BIK: variants seen among roughly 807,000 people sequenced by gnomAD.
BIK encodes the protein BCL2 interacting killer.
BIK carries 14 observed loss-of-function variants against 12.1 expected under a neutral mutation model. The ratio of observed to expected loss-of-function variants is 1.16; its 90% CI spans 0.77 to 1.81. BIK has a LOEUF of 1.81. Among genes scored for constraint, BIK ranks in the 40% most tolerant of loss-of-function variants. BIK has a pLI of 0.00. For missense variants in BIK, 215 were observed against 207.9 expected, an observed-to-expected ratio of 1.03 and a Z score of -0.21; for synonymous variants, 86 against 92.3, an observed-to-expected ratio of 0.93 and a Z score of 0.39.
chr22:43,111,231 C>T (rs1220246805), intron 1 of BIK, among the ~76,000 whole-genome samples: 1 of 152,210 alleles, frequency 6.6e-6, no homozygotes, highest in Non-Finnish European at 1.5e-5. Flanking sequence ...CGCACAGCCC[C>T]GGTGCCCTTA....
At chr22:43,125,803 G>A (rs1219339261) in intron 2 of BIK, among the ~76,000 whole-genome samples, 2 of 152,212 alleles carry the variant, frequency 1.3e-5, no homozygotes, top group Admixed American at 6.6e-5. Context: ...AGGCCATGCA[G>A]TTCCTGGTCC....
intron 1 of BIK, among the ~76,000 whole-genome samples, chr22:43,121,902 T>G (rs923514655): frequency 1.1e-4 from 16 of 152,212 alleles, no homozygotes; most frequent in African/African-American, 3.9e-4. Flanking sequence ...TGGCTAATTT[T>G]GTATTTTTAT....
In BIK at chr22:43,120,559, G is replaced by C. The variant is rs535401577; in HGVS notation, c.-7-3457G>C. 9.2e-5 allele frequency among the ~76,000 whole-genome samples: 14 copies of C among 152,340 alleles called. 1 individual carries two copies. The highest frequency in any genetic ancestry group is 2.6e-4 in the Admixed American group (4 of 15,298). ...GCTGCTACCTTGAGATTAGGTTGGA[G>C]AGAGCTCCACTGAAGGCTGGAGACC... On this transcript the variant is annotated intron_variant, in intron 1 of 4. Coordinates refer to ENST00000216115, the MANE Select transcript of BIK (RefSeq NM_001197.5).
In BIK at chr22:43,127,529, C is replaced by T. The variant is rs1930340760; in HGVS notation, c.162-168C>T. On this transcript the variant is annotated intron_variant, in intron 2 of 4. Coordinates refer to ENST00000216115, the MANE Select transcript of BIK (RefSeq NM_001197.5). ...GGGTATCTCTGAATCCAAGTGGGAG[C>T]CGGAGGAGGGATACAGGGAGGCCCA... 2.0e-5 allele frequency among the ~76,000 whole-genome samples: 3 copies of T among 152,180 alleles called. No homozygotes were observed. In the South Asian group the frequency reaches 6.2e-4, roughly 31 times the overall value.
chr22:43,116,852 T>C (rs1338078765), intron 1 of BIK, among the ~76,000 whole-genome samples: 3 of 152,114 alleles, frequency 2.0e-5, no homozygotes, highest in African/African-American at 4.8e-5. Flanking sequence ...GGTGGAAAGA[T>C]CACCTGAGCC....
chr22:43,111,131 A>C (rs1381816328), intron 1 of BIK, among the ~76,000 whole-genome samples: 1 of 152,058 alleles, frequency 6.6e-6, no homozygotes, highest in Non-Finnish European at 1.5e-5. Flanking sequence ...ACAGTCCTCC[A>C]GTGCGGCTTC....
Position 43,127,789 on chromosome 22 carries a change from T to G in BIK, c.254T>G (p.Met85Arg). 1.3e-6 allele frequency: 2 copies of G among 1,550,434 alleles called. No homozygotes were observed. The change falls in exon 3 of 5, where the codon ATG becomes AGG. Residue 85 changes from methionine (M) to arginine (R), a missense_variant. Transcript: ENST00000216115. ...CTGGCCCAGCTCTCCGAGGTGGCCATGCACAGGTAGCCGGCCTATGCCCTA... is the reference window on the plus strand; with the variant it reads ...CTGGCCCAGCTCTCCGAGGTGGCCAGGCACAGGTAGCCGGCCTATGCCCTA... Reference protein sequence around the residue: ...PRLAQLSEVAMHSLGLAFIYD... With the variant: ...PRLAQLSEVARHSLGLAFIYD...
At chr22:43,112,905 C>CA (rs1400829577) in intron 1 of BIK, among the ~76,000 whole-genome samples, 1 of 151,146 alleles carries the variant, frequency 6.6e-6, no homozygotes, top group Non-Finnish European at 1.5e-5. Flanking sequence ...GACCCTGTCT[C>CA]AAAAAAAGGA....
chr22:43,124,303 G>A, intron 2 of BIK, 120 bp downstream of exon 2: 1 of 1,239,708 alleles, frequency 8.1e-7, no homozygotes, highest in Non-Finnish European at 1.1e-6. Flanking sequence ...GGGCCTCCGA[G>A]AGGAAGATTT....
chr22:43,112,721 T>C (rs1930035522), intron 1 of BIK, among the ~76,000 whole-genome samples: 1 of 150,716 alleles, frequency 6.6e-6, no homozygotes, highest in Non-Finnish European at 1.5e-5. Context: ...CTGGGTAACA[T>C]GGTAAAACCC....
At position 43,124,008 on chromosome 22, in the gene BIK, T is replaced by A; in HGVS notation, c.-7-8T>A. 6.2e-7 allele frequency: 1 copy of A among 1,613,918 alleles called. No homozygotes were observed. The highest frequency in any genetic ancestry group is 8.5e-7 in the Non-Finnish European group (1 of 1,179,894). On this transcript the variant is annotated splice_polypyrimidine_tract_variant and splice_region_variant and intron_variant, in intron 1 of 4. Transcript: ENST00000216115. ...GGGGTCCAGTCATATGCTGTCTTTTTGCCCCAGAGGAGAAATGTCTGAAGT... is the reference window on the plus strand; with the variant it reads ...GGGGTCCAGTCATATGCTGTCTTTTAGCCCCAGAGGAGAAATGTCTGAAGT...
chr22:43,124,618 G>A (rs1057406087), intron 2 of BIK, among the ~76,000 whole-genome samples: 15 of 152,348 alleles, frequency 9.8e-5, no homozygotes, highest in Admixed American at 3.3e-4. Flanking sequence ...TGGGCCACAC[G>A]CAGTGGCTCG....
At chr22:43,128,329 C>T (rs143680076) in intron 3 of BIK, among the ~76,000 whole-genome samples, 167 bp from the exon 4 acceptor site, 4 of 152,188 alleles carry the variant, frequency 2.6e-5, no homozygotes, top group Admixed American at 6.5e-5. Flanking sequence ...GTCCATACCA[C>T]GCGGCCCCTG....
At chr22:43,119,634 CAG>C (rs1270830997) in intron 1 of BIK, among the ~76,000 whole-genome samples, 2 of 151,834 alleles carry the variant, frequency 1.3e-5, no homozygotes, top group East Asian at 1.9e-4. Flanking sequence ...GGAGCAGAGA[CAG>C]GGGCTGCAGG....
chr22:43,128,085 C>A lies in BIK; in HGVS notation c.260+290C>A, dbSNP rs1476283320. On this transcript the variant is annotated intron_variant, in intron 3 of 4. Transcript: ENST00000216115. ...TTGAGCCCAGATGGTACATTTCCAC[C>A]GTGGTCTTAAGAGGGGGTGCTACGT... Among the ~76,000 whole-genome samples, 2 of 152,170 alleles carry A rather than the reference C, an allele frequency of 1.3e-5. 1 individual carries two copies. Among genetic ancestry groups the A allele is most frequent in the Middle Eastern group, 6.8e-3 (2 of 294 alleles).
At chr22:43,128,162 G>T (rs1930357859) in intron 3 of BIK, among the ~76,000 whole-genome samples, 1 of 152,076 alleles carries the variant, frequency 6.6e-6, no homozygotes, top group Non-Finnish European at 1.5e-5. Flanking sequence ...GTCTCCGGTG[G>T]GGGAATAGAG....
chr22:43,111,377 G>A lies in BIK; in HGVS notation c.-8+574G>A, dbSNP rs373275564. ...CGGAACAGGAACGTGCACACGGAGCGGCGCGCAGCCGCCCGCCCTCGCTTG... is the reference window on the plus strand; with the variant it reads ...CGGAACAGGAACGTGCACACGGAGCAGCGCGCAGCCGCCCGCCCTCGCTTG... On this transcript the variant is annotated intron_variant, in intron 1 of 4. Coordinates refer to ENST00000216115, the MANE Select transcript of BIK (RefSeq NM_001197.5). Among the ~76,000 whole-genome samples, 8 of 152,332 alleles carry A rather than the reference G, an allele frequency of 5.3e-5. No homozygotes were observed. The East Asian group carries it at 1.4e-3, about 26-fold the overall frequency.
At chr22:43,128,345 G>T (rs993758796) in intron 3 of BIK, 151 bp from the exon 4 acceptor site, 5 of 939,588 alleles carry the variant, frequency 5.3e-6, no homozygotes, top group Non-Finnish European at 8.1e-6. Flanking sequence ...CCCTGCAGGT[G>T]GAGGCGCCCA....
intron 1 of BIK, among the ~76,000 whole-genome samples, chr22:43,119,813 A>G (rs1408487670): frequency 6.6e-6 from 1 of 152,048 alleles, no homozygotes; most frequent in Admixed American, 6.6e-5. Context: ...CTCTACAGCA[A>G]TTCTATAAAA....
Sources: gnomAD v4.1 joint callset for allele counts (sites outside exome capture counted in the v4.1 genomes callset) on GRCh38, gnomAD v4.1.1 for gene constraint, MANE v1.5 for transcripts, NCBI Gene and HGNC (gene_info 2026-07-23, HGNC 2026-07-21) for gene names.